Variants in OXR1 observed in about 807,000 individuals in gnomAD.
OXR1 encodes oxidation resistance 1, also known as oxidation resistance protein 1.
Under a neutral mutation model 104.6 loss-of-function variants are expected in OXR1, and 41 were observed. The observed-to-expected ratio is 0.39, with a 90% CI of 0.31 to 0.51. OXR1 has a LOEUF of 0.51. Ranked by LOEUF, OXR1 falls within the 20% of genes least tolerant of loss-of-function variation. The pLI is 0.77. For synonymous variants in OXR1, 348 were observed against 348.4 expected, an observed-to-expected ratio of 1.00 and a Z score of 0.01; for missense variants, 955 against 1,031.9, an observed-to-expected ratio of 0.93 and a Z score of 1.02.
chr8:106,506,542 G>A (rs1365076682), intron 2 of OXR1, among the ~76,000 whole-genome samples: 2 of 152,298 alleles, frequency 1.3e-5, no homozygotes, highest in East Asian at 1.9e-4. Flanking sequence ...GAACCCAGGA[G>A]GCGGAGCTTG....
At chr8:106,669,562 T>C (rs1362164032) in intron 3 of OXR1, among the ~76,000 whole-genome samples, 5 of 152,208 alleles carry the variant, frequency 3.3e-5, no homozygotes, top group Non-Finnish European at 7.3e-5. Flanking sequence ...CAATCTGTTT[T>C]TTTTTTAGTT....
In OXR1 at chr8:106,589,071, T is replaced by G. The variant is rs144392872; in HGVS notation, c.220+69932T>G. On this transcript the variant is annotated intron_variant, in intron 3 of 16. Coordinates refer to ENST00000517566, the MANE Select transcript of OXR1 (RefSeq NM_001198533.2). Reference sequence around the variant, plus strand: ...CTCCTTCCTGCCTTTAGTGGACTGCTTCACTTTTGGGGCAGAAAGCCGAAG... The same window carrying G: ...CTCCTTCCTGCCTTTAGTGGACTGCGTCACTTTTGGGGCAGAAAGCCGAAG... Among the ~76,000 whole-genome samples the G allele has an allele frequency of 1.2e-4, 18 of 152,240 alleles. No individual in the cohort carries two copies. The East Asian group carries it at 3.1e-3, about 26-fold the overall frequency.
chr8:106,512,578 A>T (rs894512490), intron 2 of OXR1, among the ~76,000 whole-genome samples: 1 of 151,668 alleles, frequency 6.6e-6, no homozygotes, highest in South Asian at 2.1e-4. Flanking sequence ...ATTAAATAAA[A>T]ACACTTTTTT....
chr8:106,616,030 CTTTTTTTT>C lies in OXR1; in HGVS notation c.221-63164_221-63157del, dbSNP rs10718309. On this transcript the variant is annotated intron_variant, in intron 3 of 16. Coordinates refer to ENST00000517566, the MANE Select transcript of OXR1 (RefSeq NM_001198533.2). ...AAATTAATATCCAATGAAACACCTTCTTTTTTTTTTTTTTTTTTTTTTTGAGACGGAGT... is the reference window on the plus strand; with the variant it reads ...AAATTAATATCCAATGAAACACCTTCTTTTTTTTTTTTTTTGAGACGGAGT... Among the ~76,000 whole-genome samples, 3 of 73,334 alleles carry C rather than the reference CTTTTTTTT, an allele frequency of 4.1e-5. No individual in the cohort carries two copies. In the East Asian group the frequency reaches 1.3e-3, roughly 31 times the overall value. 48.1% of individuals were successfully genotyped at this position (73,334 alleles called of 152,430 possible).
At chr8:106,704,377 TTCTTTC>T (rs1830905270) in intron 8 of OXR1, among the ~76,000 whole-genome samples, 1 of 149,672 alleles carries the variant, frequency 6.7e-6, no homozygotes, top group Non-Finnish European at 1.5e-5. Flanking sequence ...CTTTTTCTTT[TTCTTTC>T]TTTCTTCTTC....
Position 106,526,791 on chromosome 8 carries a change from C to G in OXR1, c.220+7652C>G, listed in dbSNP as rs574343326. 2.6e-5 allele frequency among the ~76,000 whole-genome samples: 4 copies of G among 152,334 alleles called. No homozygotes were observed. In the South Asian group the frequency reaches 6.2e-4, roughly 24 times the overall value. The stretch of plus-strand genomic sequence containing the variant: ...ATCTCCTGACTTCGTGATGCGCCCC[C>G]CTCTGCCTCCCAAAGTCCTGGGATT... On this transcript the variant is annotated intron_variant, in intron 3 of 16. Transcript: ENST00000517566.
intron 2 of OXR1, among the ~76,000 whole-genome samples, chr8:106,506,916 C>A (rs913005842): frequency 3.7e-4 from 56 of 151,546 alleles, no homozygotes; most frequent in African/African-American, 1.4e-3. Flanking sequence ...CATAATGAGA[C>A]CCTGTGTCTT....
chr8:106,511,641 T>A (rs1227935963), intron 2 of OXR1, among the ~76,000 whole-genome samples: 2 of 152,242 alleles, frequency 1.3e-5, no homozygotes, highest in South Asian at 2.1e-4. Flanking sequence ...TATAGATTTC[T>A]GTGGAATTTT....
chr8:106,345,723 C>T (rs992628483), intron 1 of OXR1, among the ~76,000 whole-genome samples: 3 of 152,302 alleles, frequency 2.0e-5, no homozygotes, highest in Non-Finnish European at 2.9e-5. Flanking sequence ...TGATCATGCA[C>T]ATGGCTCTCT....
At chr8:106,643,431 A>C (rs1399071143) in intron 3 of OXR1, among the ~76,000 whole-genome samples, 2 of 102,198 alleles carry the variant, frequency 2.0e-5, no homozygotes, top group Admixed American at 1.8e-4. Context: ...GGGAATCAAT[A>C]GAATTTTTTT....
At chr8:106,583,666 T>G (rs1818416195) in intron 3 of OXR1, among the ~76,000 whole-genome samples, 1 of 152,176 alleles carries the variant, frequency 6.6e-6, no homozygotes, top group Non-Finnish European at 1.5e-5. Context: ...AAGCTAATGC[T>G]AACAGTGGGA....
intron 1 of OXR1, among the ~76,000 whole-genome samples, chr8:106,314,548 T>G (rs1813846989): frequency 6.6e-6 from 1 of 152,218 alleles, no homozygotes; most frequent in South Asian, 2.1e-4. Flanking sequence ...CAGTAACATT[T>G]AAAATATTTA....
At chr8:106,557,051 A>G (rs1184331474) in intron 3 of OXR1, among the ~76,000 whole-genome samples, 1 of 152,162 alleles carries the variant, frequency 6.6e-6, no homozygotes, top group Non-Finnish European at 1.5e-5. Flanking sequence ...TATGAATCTA[A>G]TTCTTTCTTT....
At chr8:106,302,943 C>T (rs1048999983) in intron 1 of OXR1, among the ~76,000 whole-genome samples, 5 of 151,800 alleles carry the variant, frequency 3.3e-5, no homozygotes, top group East Asian at 2.0e-4. Flanking sequence ...TTAGTAGAGA[C>T]GGGGTTTCAC....
intron 3 of OXR1, among the ~76,000 whole-genome samples, chr8:106,600,214 A>C (rs1819867790): frequency 6.6e-6 from 1 of 152,228 alleles, no homozygotes; most frequent in Non-Finnish European, 1.5e-5. Context: ...AATAGGAGTA[A>C]TGGAAACCAT....
At chr8:106,716,992 C>T (rs962560590) in intron 11 of OXR1, among the ~76,000 whole-genome samples, 9 of 151,972 alleles carry the variant, frequency 5.9e-5, no homozygotes, top group Non-Finnish European at 2.9e-5. Flanking sequence ...TTGAGACCAG[C>T]CTGGCCAATA....
intron 1 of OXR1, among the ~76,000 whole-genome samples, chr8:106,321,574 G>A (rs1814219521): frequency 6.6e-6 from 1 of 152,284 alleles, no homozygotes; most frequent in East Asian, 1.9e-4. Context: ...TAGTAAAGAT[G>A]TTGAGTGAGC....
chr8:106,324,000 C>T (rs112526786), intron 1 of OXR1, among the ~76,000 whole-genome samples: 47 of 152,238 alleles, frequency 3.1e-4, no homozygotes, highest in African/African-American at 1.1e-3. Flanking sequence ...CCCAGCAATC[C>T]CATTACTGGG....
At chr8:106,332,848 T>G (rs1306495628) in intron 1 of OXR1, among the ~76,000 whole-genome samples, 2 of 152,164 alleles carry the variant, frequency 1.3e-5, no homozygotes, top group Non-Finnish European at 2.9e-5. Context: ...ATCCTATCTC[T>G]ATGGATTTGT....
Sources: gnomAD v4.1 joint callset for allele counts (sites outside exome capture counted in the v4.1 genomes callset) on GRCh38, gnomAD v4.1.1 for gene constraint, MANE v1.5 for transcripts, NCBI Gene and HGNC (gene_info 2026-07-23, HGNC 2026-07-21) for gene names.